COL24A1: variants seen among roughly 807,000 people sequenced by gnomAD.
The protein encoded by COL24A1 is collagen type XXIV alpha 1 chain.
In COL24A1, 224 loss-of-function variants were observed where a neutral mutation model predicts 253.9. The ratio of observed to expected loss-of-function variants is 0.88; its 90% CI spans 0.79 to 0.99. The LOEUF is 0.99. Ranked by LOEUF, COL24A1 falls within the 50% of genes least tolerant of loss-of-function variation. The pLI, the probability that COL24A1 is intolerant of heterozygous loss-of-function variation, is 0.00. For missense variants in COL24A1, 2,131 were observed against 2,068.5 expected (o/e 1.03, Z -0.59); for synonymous variants, 685 against 673.7 (o/e 1.02, Z -0.26).
chr1:85,845,438 TA>T (rs1190392235), intron 39 of COL24A1, among the ~76,000 whole-genome samples: 1 of 151,862 alleles, frequency 6.6e-6, no homozygotes, highest in African/African-American at 2.4e-5. Flanking sequence ...ATGGTATATC[TA>T]AAAAACAACT....
intron 12 of COL24A1, among the ~76,000 whole-genome samples, chr1:86,042,465 G>A (rs762216775): frequency 3.3e-5 from 5 of 151,896 alleles, no homozygotes; most frequent in Non-Finnish European, 7.4e-5. Flanking sequence ...AGATTTAAGT[G>A]GAAATAAATT....
intron 43 of COL24A1, among the ~76,000 whole-genome samples, chr1:85,831,100 G>A (rs1675218052): frequency 6.6e-6 from 1 of 152,078 alleles, no homozygotes; most frequent in African/African-American, 2.4e-5. Flanking sequence ...CTAGTCTTGA[G>A]AGCTTCTATA....
At chr1:85,953,914 G>A (rs899733628) in intron 24 of COL24A1, among the ~76,000 whole-genome samples, 44 of 152,208 alleles carry the variant, frequency 2.9e-4, no homozygotes, top group Admixed American at 1.8e-3. Context: ...AGGTGATCAA[G>A]TTTACATTTC....
intron 7 of COL24A1, among the ~76,000 whole-genome samples, chr1:86,084,615 T>C (rs900237047): frequency 3.9e-5 from 6 of 152,228 alleles, no homozygotes; most frequent in African/African-American, 1.4e-4. Context: ...AGATAACAGC[T>C]TATTCTAAGA....
chr1:85,756,888 T>G (rs1666324674), intron 55 of COL24A1, among the ~76,000 whole-genome samples: 2 of 152,160 alleles, frequency 1.3e-5, no homozygotes, highest in African/African-American at 4.8e-5. Flanking sequence ...ATAAATAAAA[T>G]TCGAATATAC....
At chr1:86,070,644 C>T (rs1571823476) in intron 7 of COL24A1, among the ~76,000 whole-genome samples, 1 of 152,250 alleles carries the variant, frequency 6.6e-6, no homozygotes, top group Non-Finnish European at 1.5e-5. Flanking sequence ...GCAGACTTCA[C>T]AGTGGAAACC....
intron 19 of COL24A1, among the ~76,000 whole-genome samples, chr1:86,006,482 A>G: frequency 6.6e-6 from 1 of 152,242 alleles, no homozygotes; most frequent in Non-Finnish European, 1.5e-5. Flanking sequence ...GAATTTAGAC[A>G]CAGACCTTAC....
intron 8 of COL24A1, 124 bp from the exon 9 acceptor site, chr1:86,059,298 T>C (rs1450619548): frequency 3.6e-6 from 2 of 554,994 alleles, no homozygotes; most frequent in East Asian, 3.4e-5. Flanking sequence ...ACATGGCTTA[T>C]GTAACTGAAA....
intron 52 of COL24A1, among the ~76,000 whole-genome samples, chr1:85,777,490 T>C (rs1040526840): frequency 9.2e-5 from 14 of 152,152 alleles, no homozygotes; most frequent in African/African-American, 3.1e-4. Context: ...CCAAACTAGA[T>C]ATAATAAATT....
At chr1:85,832,438 A>G (rs1570819191) in intron 43 of COL24A1, among the ~76,000 whole-genome samples, 1 of 151,838 alleles carries the variant, frequency 6.6e-6, no homozygotes, top group East Asian at 1.9e-4. Context: ...TGAACTTTAA[A>G]GTAGTTTTTT....
At chr1:85,839,110 G>A (rs776489070) in intron 42 of COL24A1, among the ~76,000 whole-genome samples, 1 of 151,950 alleles carries the variant, frequency 6.6e-6, no homozygotes, top group Non-Finnish European at 1.5e-5. Flanking sequence ...GAAGCAGGGG[G>A]AACACTTGAG....
intron 14 of COL24A1, among the ~76,000 whole-genome samples, chr1:86,029,333 T>C (rs1299381662): frequency 6.6e-6 from 1 of 152,208 alleles, no homozygotes; most frequent in Non-Finnish European, 1.5e-5. Flanking sequence ...TAAATAGTCA[T>C]GGGTTGGTCT....
intron 19 of COL24A1, among the ~76,000 whole-genome samples, chr1:86,015,440 T>C (rs1559012676): frequency 6.6e-6 from 1 of 152,292 alleles, no homozygotes; most frequent in East Asian, 1.9e-4. Flanking sequence ...TAAACATCTT[T>C]AGAAGACCAA....
intron 10 of COL24A1, among the ~76,000 whole-genome samples, chr1:86,056,640 G>C (rs1559140997): frequency 6.6e-6 from 1 of 152,228 alleles, no homozygotes; most frequent in African/African-American, 2.4e-5. Flanking sequence ...CAGATCACAA[G>C]GTCAGGGGTT....
At chr1:86,051,924 G>T (rs1460224444) in intron 10 of COL24A1, among the ~76,000 whole-genome samples, 1 of 152,094 alleles carries the variant, frequency 6.6e-6, no homozygotes, top group African/African-American at 2.4e-5. Context: ...TAATTATCAT[G>T]GCAGGGAGTT....
chr1:85,903,458 G>C (rs1190827657), intron 28 of COL24A1, among the ~76,000 whole-genome samples: 2 of 152,102 alleles, frequency 1.3e-5, no homozygotes, highest in Non-Finnish European at 2.9e-5. Flanking sequence ...TTTACGACAG[G>C]CTGTAAGAAA....
chr1:86,035,214 C>G (rs1191074935), intron 12 of COL24A1, among the ~76,000 whole-genome samples: 1 of 152,134 alleles, frequency 6.6e-6, no homozygotes, highest in Non-Finnish European at 1.5e-5. Context: ...ATACTCCCTT[C>G]AAAGTCAGCT....
At chr1:86,076,861 T>G (rs1357524735) in intron 7 of COL24A1, among the ~76,000 whole-genome samples, 15 of 152,166 alleles carry the variant, frequency 9.9e-5, no homozygotes, top group Non-Finnish European at 1.5e-5. Flanking sequence ...ATTACAGACT[T>G]AAATGTTAGA....
Position 86,125,569 on chromosome 1 carries a change from C to G in COL24A1, c.767G>C (p.Cys256Ser). Residue 256 changes from cysteine to serine, a missense_variant, in exon 3 of 60, where the codon TGT becomes TCT. Physicochemically the swap from Cys to Ser is moderately radical, Grantham distance 112. Coordinates refer to ENST00000370571, the MANE Select transcript of COL24A1 (RefSeq NM_152890.7). ...DKYQPETSIP[C>S]TTLIPTKIPE... ...TATCTTTGTTGGTATGAGAGTTGTA[C>G]AAGGAATGCTTGTTTCAGGTTGGTA... The G allele has an allele frequency of 6.2e-7, 1 of 1,613,468 alleles. No individual in the cohort carries two copies. The highest frequency in any genetic ancestry group is 2.2e-5 in the East Asian group (1 of 44,840).
Sources: gnomAD v4.1 joint callset for allele counts (sites outside exome capture counted in the v4.1 genomes callset) on GRCh38, gnomAD v4.1.1 for gene constraint, MANE v1.5 for transcripts, NCBI Gene and HGNC (gene_info 2026-07-23, HGNC 2026-07-21) for gene names.